The following LPO variants were observed in gnomAD, a reference collection of about 807,000 sequenced individuals.
LPO encodes salivary peroxidase.
Under a neutral mutation model 68.4 loss-of-function variants are expected in LPO, and 70 were observed. The ratio of observed to expected loss-of-function variants is 1.02; its 90% CI spans 0.84 to 1.25. The LOEUF (loss-of-function observed/expected upper bound fraction) is 1.25. Among genes scored for constraint, LPO ranks in the 50% most tolerant of loss-of-function variants. The pLI is 0.00. For synonymous variants in LPO, 360 were observed against 357.6 expected, an observed-to-expected ratio of 1.01 and a Z score of -0.08; for missense variants, 873 against 908.4, an observed-to-expected ratio of 0.96 and a Z score of 0.50.
chr17:58,267,638 G>A (rs374930763), intron 12 of LPO, 52 bp downstream of exon 12: 46 of 1,519,612 alleles, frequency 3.0e-5, no homozygotes, highest in Non-Finnish European at 3.5e-5. Flanking sequence ...CTCCAAGAGG[G>A]GTGTCCCAAG....
chr17:58,254,873 C>A lies in LPO; in HGVS notation c.1168C>A (p.His390Asn), dbSNP rs1970040963. 1.2e-6 allele frequency: 2 copies of A among 1,614,170 alleles called. No individual in the cohort carries two copies. The highest frequency in any genetic ancestry group is 2.2e-5 in the South Asian group (2 of 91,084). The stretch of plus-strand genomic sequence containing the variant: ...ATCCCACACCCTCTTTCTCCGCGAG[C>A]ATAACCGGCTGGCCAGAGAACTAAA... The part of the protein sequence containing the change: ...ATSHTLFLRE[H>N]NRLARELKRL... Residue 390 changes from histidine to asparagine, a missense_variant, in exon 9 of 13, where the codon CAT (histidine) becomes AAT (asparagine). Physicochemically the swap from His to Asn is moderately conservative, Grantham distance 68 (BLOSUM62 1). Transcript: ENST00000262290.
rs867152504 is a variant in LPO at position 58,267,477 on chromosome 17, G to A, written c.1822G>A (p.Asp608Asn). The A allele has an allele frequency of 3.7e-6, 6 of 1,614,216 alleles. No homozygotes were observed. The highest frequency in any genetic ancestry group is 1.1e-5 in the South Asian group (1 of 91,082). ...TCTCTACGGGACCCCTGACAACATC[G>A]ACATCTGGATAGGGGCCATTGCTGA... ...LGLYGTPDNI[D>N]IWIGAIAEPL... is the part of the protein sequence containing the mutation. Residue 608 changes from aspartate (D) to asparagine (N), a missense_variant, in exon 12 of 13, where the codon GAC (aspartate) becomes AAC (asparagine). Coordinates refer to ENST00000262290, the MANE Select transcript of LPO (RefSeq NM_006151.3).
At position 58,243,044 on chromosome 17, in the gene LPO, C is replaced by T. The variant is rs1969786633; in HGVS notation, c.65C>T (p.Ser22Phe). The change falls in exon 2 of 13, where the codon TCT (serine) becomes TTT (phenylalanine). Residue 22 changes from serine to phenylalanine, a missense_variant. Physicochemically the swap from Ser to Phe is radical, Grantham distance 155. Transcript: ENST00000262290. Reference protein sequence around the residue: ...ASLILLQAAASTTRAQTTRTS... With the variant: ...ASLILLQAAAFTTRAQTTRTS... The stretch of plus-strand genomic sequence containing the variant: ...CTCATCTTGCTTCAGGCTGCAGCAT[C>T]TACCACAAGAGGTGAGTGTCTCCCT... 1.9e-6 allele frequency: 3 copies of T among 1,613,990 alleles called. No individual in the cohort carries two copies. Among genetic ancestry groups the T allele is most frequent in the Admixed American group, 1.7e-5 (1 of 60,024 alleles).
chr17:58,247,416 AGCGG>A, intron 3 of LPO, 58 bp from the exon 4 acceptor site: 1 of 1,135,650 alleles, frequency 8.8e-7, no homozygotes, highest in Non-Finnish European at 1.3e-6. Flanking sequence ...CCACCCCTCC[AGCGG>A]CCCCCAGCCC....
intron 6 of LPO, 36 bp downstream of exon 6, chr17:58,249,731 C>T: frequency 6.5e-7 from 1 of 1,532,326 alleles, no homozygotes; most frequent in Non-Finnish European, 8.7e-7. Context: ...AGGATGGGAG[C>T]CAGAGGGGAC....
chr17:58,255,468 TA>T (rs981189084), intron 9 of LPO, among the ~76,000 whole-genome samples: 5 of 152,216 alleles, frequency 3.3e-5, no homozygotes, highest in Non-Finnish European at 5.9e-5. Context: ...TATTTTGAAA[TA>T]ATTATAGATT....
intron 3 of LPO, 126 bp from the exon 4 acceptor site, chr17:58,247,352 G>A: frequency 2.7e-6 from 2 of 741,968 alleles, no homozygotes; most frequent in Non-Finnish European, 4.3e-6. Context: ...AGTGGCTACT[G>A]TATTGGACAG....
chr17:58,267,169 A>G (rs1970283041), intron 11 of LPO, among the ~76,000 whole-genome samples, 180 bp from the exon 12 acceptor site: 1 of 152,248 alleles, frequency 6.6e-6, no homozygotes, highest in Non-Finnish European at 1.5e-5. Flanking sequence ...ATAGGACTTA[A>G]CCAACTAGCC....
At position 58,254,936 on chromosome 17, in the gene LPO, C is replaced by T. The variant is rs1338744700; in HGVS notation, c.1231C>T (p.Gln411Ter). ...NPQWDGEKLY[Q>*]EARKILGAFV... ...TCAGTGGGATGGAGAGAAGCTCTAC[C>T]AGGAAGCCCGGAAAATCCTGGGAGC... is the stretch of plus-strand genomic sequence containing the variant. Residue 411 changes from glutamine to a stop codon, truncating the protein, a stop_gained, in exon 9 of 13, where the codon CAG becomes TAG. Coordinates refer to ENST00000262290, the MANE Select transcript of LPO (RefSeq NM_006151.3). LOFTEE classifies it high-confidence loss of function. 1 of 1,614,082 alleles carries T rather than the reference C, an allele frequency of 6.2e-7. No individual in the cohort carries two copies. Among genetic ancestry groups the T allele is most frequent in the African/African-American group, 1.3e-5 (1 of 75,024 alleles).
intron 5 of LPO, 124 bp from the exon 6 acceptor site, chr17:58,249,442 T>A: frequency 7.1e-7 from 1 of 1,402,004 alleles, no homozygotes; most frequent in Non-Finnish European, 9.4e-7. Context: ...GACCCCAAAT[T>A]TGAGAGGCCC....
intron 9 of LPO, among the ~76,000 whole-genome samples, chr17:58,264,095 A>G (rs1970217767): frequency 1.3e-5 from 2 of 152,194 alleles, no homozygotes; most frequent in African/African-American, 4.8e-5. Context: ...AAAAAAGCAG[A>G]ATGCACAGGT....
chr17:58,243,969 T>C, intron 2 of LPO, 25 bp from the exon 3 acceptor site: 1 of 1,557,740 alleles, frequency 6.4e-7, no homozygotes, highest in Non-Finnish European at 8.9e-7. Context: ...ACACCCTACT[T>C]CCTGCTCCCC....
At chr17:58,256,017 C>T (rs1970063556) in intron 9 of LPO, among the ~76,000 whole-genome samples, 1 of 152,308 alleles carries the variant, frequency 6.6e-6, no homozygotes, top group East Asian at 1.9e-4. Context: ...ACCCTCACCC[C>T]TATATCCCTA....
chr17:58,252,939 C>G (rs1245789198), intron 8 of LPO, among the ~76,000 whole-genome samples: 1 of 149,178 alleles, frequency 6.7e-6, no homozygotes. Context: ...AGAAGAATCA[C>G]CTGAACCCAG....
intron 8 of LPO, 118 bp from the exon 9 acceptor site, chr17:58,254,693 G>C: frequency 1.1e-6 from 1 of 931,010 alleles, no homozygotes; most frequent in African/African-American, 2.0e-5. Flanking sequence ...AGTAGGGCTT[G>C]TTGACGGGGC....
Position 58,252,330 on chromosome 17 carries a change from A to G in LPO, c.929A>G (p.Tyr310Cys), listed in dbSNP as rs1252213976. The G allele has an allele frequency of 6.2e-7, 1 of 1,614,050 alleles. No homozygotes were observed. The highest frequency in any genetic ancestry group is 8.5e-7 in the Non-Finnish European group (1 of 1,180,048). ...LTSFLDASFV[Y>C]SSEPSLASRL... ...TCCTTCCTGGATGCCAGCTTTGTGT[A>G]CAGCTCCGAGCCAAGCCTGGCCAGC... Residue 310 changes from tyrosine to cysteine, a missense_variant, in exon 8 of 13, where the codon TAC (tyrosine) becomes TGC (cysteine). Physicochemically the swap from Tyr to Cys is radical, Grantham distance 194. Transcript: ENST00000262290.
chr17:58,243,924 CA>C, intron 2 of LPO, 69 bp from the exon 3 acceptor site: 1 of 1,033,714 alleles, frequency 9.7e-7, no homozygotes, highest in Non-Finnish European at 1.5e-6. Flanking sequence ...AAGAGGGAGA[CA>C]AAAGCAGAAG....
At position 58,247,395 on chromosome 17, in the gene LPO, A is replaced by T. The variant is rs1005922212; in HGVS notation, c.165-83A>T. The T allele has an allele frequency of 2.3e-6, 3 of 1,313,408 alleles. No individual in the cohort carries two copies. In the African/African-American group the frequency reaches 4.4e-5, roughly 19 times the overall value. 81.4% of individuals were successfully genotyped at this position (1,313,408 alleles called of 1,614,324 possible). A position where few individuals can be genotyped will look rare whatever the true frequency, so the allele number is the denominator to read the frequency against. On this transcript the variant is annotated intron_variant, in intron 3 of 12. Transcript: ENST00000262290. ...GCTGGGTTATGAGGCCATGTTGTAC[A>T]CACACCCCTCCCACCCCTCCAGCGG...
Position 58,264,826 on chromosome 17 carries a change from C to A in LPO, c.1371C>A (p.Ser457=). 1 of 1,614,224 alleles carries A rather than the reference C, an allele frequency of 6.2e-7. No homozygotes were observed. Among genetic ancestry groups the A allele is most frequent in the Non-Finnish European group, 8.5e-7 (1 of 1,180,042 alleles). The change falls in exon 10 of 13, where the codon TCC becomes TCA. Residue 457 remains serine (S), a synonymous_variant. Transcript: ENST00000262290. ...GTGAATCTGTGGATCCCAGAATTTC[C>A]AATGTCTTCACCTTCGCCTTCCGCT... is the stretch of plus-strand genomic sequence containing the variant. ...GYSESVDPRI[S]NVFTFAFRFG...
Sources: allele counts gnomAD v4.1 joint callset (sites outside exome capture counted in the v4.1 genomes callset), GRCh38; gene constraint gnomAD v4.1.1; transcripts MANE v1.5; gene names NCBI Gene and HGNC (gene_info 2026-07-23, HGNC 2026-07-21).